KAZN: variants seen among roughly 807,000 people sequenced by gnomAD.
KAZN encodes the protein kazrin.
A neutral mutation model predicts 87.4 loss-of-function variants in KAZN; 40 were observed. The observed-to-expected ratio is 0.46, with a 90% CI of 0.36 to 0.60. The LOEUF (loss-of-function observed/expected upper bound fraction) is 0.60. KAZN is among the 20% of genes least tolerant of loss of function. The pLI is 0.00. For synonymous variants in KAZN, 466 were observed against 458.3 expected, an observed-to-expected ratio of 1.02 and a Z score of -0.22; for missense variants, 898 against 1,073.9, an observed-to-expected ratio of 0.84 and a Z score of 2.29.
chr1:13,983,149 C>T (rs568250858), intron 1 of KAZN, among the ~76,000 whole-genome samples: 8 of 152,390 alleles, frequency 5.2e-5, no homozygotes, highest in East Asian at 3.9e-4. Flanking sequence ...CTGGCAGTCC[C>T]GCGCCCTGCG....
At chr1:14,903,584 C>T (rs765184363) in intron 1 of KAZN, among the ~76,000 whole-genome samples, 2 of 152,140 alleles carry the variant, frequency 1.3e-5, no homozygotes, top group African/African-American at 2.4e-5. Flanking sequence ...AATGTAAGGC[C>T]GGGGTCTGCT....
At chr1:13,929,912 GGGAGGCTGA>G (rs1640442686) in intron 1 of KAZN, among the ~76,000 whole-genome samples, 1 of 152,156 alleles carries the variant, frequency 6.6e-6, no homozygotes, top group Non-Finnish European at 1.5e-5. Context: ...TTGATAGGTG[GGGAGGCTGA>G]GGCACTGAGT....
At chr1:14,154,292 C>T (rs1645540701) in intron 1 of KAZN, among the ~76,000 whole-genome samples, 1 of 152,000 alleles carries the variant, frequency 6.6e-6, no homozygotes, top group South Asian at 2.1e-4. Flanking sequence ...AATTCTTTTT[C>T]AGATTGTTCA....
At chr1:15,019,114 T>TA (rs1390396462) in intron 2 of KAZN, among the ~76,000 whole-genome samples, 2 of 152,170 alleles carry the variant, frequency 1.3e-5, no homozygotes, top group Non-Finnish European at 2.9e-5. Flanking sequence ...ACCTGGCATG[T>TA]ACCTCCACAC....
chr1:14,741,600 T>A (rs1342018572), intron 1 of KAZN, among the ~76,000 whole-genome samples: 2 of 152,218 alleles, frequency 1.3e-5, no homozygotes, highest in Non-Finnish European at 2.9e-5. Flanking sequence ...CTAGTATCTT[T>A]TTATTTTTCT....
intron 1 of KAZN, among the ~76,000 whole-genome samples, chr1:14,173,720 T>A (rs1646007281): frequency 6.6e-6 from 1 of 150,394 alleles, no homozygotes; most frequent in Admixed American, 6.6e-5. Context: ...CATCAAATTG[T>A]CCTGAGATTA....
intron 1 of KAZN, among the ~76,000 whole-genome samples, chr1:14,947,408 G>A (rs1661950145): frequency 1.3e-5 from 2 of 152,220 alleles, no homozygotes; most frequent in Non-Finnish European, 2.9e-5. Flanking sequence ...CCTGGCCTTG[G>A]GGAGGGGAGG....
rs534231731 is a variant in KAZN at position 14,055,918 on chromosome 1, C to T, written c.92-124517C>T. Among the ~76,000 whole-genome samples the T allele has an allele frequency of 7.2e-5, 11 of 152,304 alleles. 1 individual carries two copies. The highest frequency in any genetic ancestry group is 5.2e-4 in the Admixed American group (8 of 15,304). ...AATGCTACCGAGCCTTTTATTTCCC[C>T]ACCAGGGTCTTAATCGTTCCCTTCA... On this transcript the variant is annotated intron_variant, in intron 1 of 16. Coordinates refer to the KAZN transcript ENST00000636203.
intron 1 of KAZN, among the ~76,000 whole-genome samples, chr1:14,078,408 TCA>T (rs1282506824): frequency 1.3e-5 from 2 of 152,238 alleles, no homozygotes; most frequent in Non-Finnish European, 2.9e-5. Context: ...TTTCTGAACT[TCA>T]GTTTCCCTAT....
At chr1:13,941,049 C>A (rs1640907352) in intron 1 of KAZN, among the ~76,000 whole-genome samples, 1 of 152,000 alleles carries the variant, frequency 6.6e-6, no homozygotes. Context: ...CAAAAATTAG[C>A]CAGGCATGGT....
intron 1 of KAZN, among the ~76,000 whole-genome samples, chr1:14,664,462 G>A (rs1446811764): frequency 2.6e-5 from 4 of 152,084 alleles, no homozygotes; most frequent in African/African-American, 7.2e-5. Flanking sequence ...GTTGCCAGGG[G>A]CAACCATGTT....
chr1:14,590,225 A>G (rs1217178038), intron 2 of KAZN, among the ~76,000 whole-genome samples: 1 of 152,114 alleles, frequency 6.6e-6, no homozygotes, highest in Non-Finnish European at 1.5e-5. Context: ...GTTTCAAATC[A>G]CTGGGGTACC....
Position 14,960,638 on chromosome 1 carries a change from C to T in KAZN, c.227-46C>T, listed in dbSNP as rs185186209. ...ACCATCCCCAGAAAATGCGAGTGAGCGGCAGAGACGTTCCTGTCCTCTAAC... is the reference window on the plus strand; with the variant it reads ...ACCATCCCCAGAAAATGCGAGTGAGTGGCAGAGACGTTCCTGTCCTCTAAC... On this transcript the variant is annotated intron_variant, in intron 1 of 14. Coordinates refer to ENST00000376030, the MANE Select transcript of KAZN (RefSeq NM_201628.3). 3.6e-5 allele frequency: 55 copies of T among 1,528,910 alleles called. No homozygotes were observed. The Admixed American group carries it at 6.7e-4, about 19-fold the overall frequency. 94.7% of individuals were successfully genotyped at this position (1,528,910 alleles called of 1,614,324 possible). A position where few individuals can be genotyped will look rare whatever the true frequency, so the allele number is the denominator to read the frequency against.
At chr1:14,805,208 C>T (rs1646169276) in intron 1 of KAZN, among the ~76,000 whole-genome samples, 1 of 152,088 alleles carries the variant, frequency 6.6e-6, no homozygotes. Context: ...AGGAGGTGGT[C>T]CAGGGTAGCT....
chr1:14,211,901 G>A (rs1396049227), intron 2 of KAZN, among the ~76,000 whole-genome samples: 3 of 151,740 alleles, frequency 2.0e-5, no homozygotes, highest in Admixed American at 2.0e-4. Context: ...AAGCTCCTTG[G>A]TGCCATAGCC....
chr1:14,951,124 T>C (rs1027214959), intron 1 of KAZN, among the ~76,000 whole-genome samples: 2 of 152,152 alleles, frequency 1.3e-5, no homozygotes, highest in African/African-American at 4.8e-5. Flanking sequence ...ATAACTGTTA[T>C]CACCTGGGCA....
chr1:14,909,129 A>G (rs1391301109), intron 1 of KAZN, among the ~76,000 whole-genome samples: 1 of 152,242 alleles, frequency 6.6e-6, no homozygotes, highest in Non-Finnish European at 1.5e-5. Flanking sequence ...CATAAAAAGG[A>G]CATAAAACAG....
intron 1 of KAZN, among the ~76,000 whole-genome samples, chr1:14,178,036 C>T (rs1412824716): frequency 2.0e-5 from 3 of 152,062 alleles, no homozygotes; most frequent in East Asian, 1.9e-4. Context: ...ATCATGGGGG[C>T]GGTTACCTCC....
intron 1 of KAZN, among the ~76,000 whole-genome samples, chr1:14,858,932 C>A (rs965712490): frequency 6.6e-6 from 1 of 152,092 alleles, no homozygotes; most frequent in African/African-American, 2.4e-5. Flanking sequence ...GTATTAAGAA[C>A]TGCAATTCTC....
Sources: gnomAD v4.1 joint callset for allele counts (sites outside exome capture counted in the v4.1 genomes callset) on GRCh38, gnomAD v4.1.1 for gene constraint, MANE v1.5 for transcripts, NCBI Gene and HGNC (gene_info 2026-07-23, HGNC 2026-07-21) for gene names.